Variants in GSG1L observed in about 807,000 individuals in gnomAD.
The protein encoded by GSG1L is germ cell-specific gene 1-like protein.
GSG1L carries 24 observed loss-of-function variants against 42.1 expected under a neutral mutation model. The observed-to-expected ratio is 0.57, with a 90% CI of 0.41 to 0.80. The LOEUF (loss-of-function observed/expected upper bound fraction) is 0.80. GSG1L is among the 30% of genes least tolerant of loss of function. The pLI, the probability that GSG1L is intolerant of heterozygous loss-of-function variation, is 0.00. For missense variants in GSG1L, 445 were observed against 472.2 expected, an observed-to-expected ratio of 0.94 and a Z score of 0.53; for synonymous variants, 215 against 203.5, an observed-to-expected ratio of 1.06 and a Z score of -0.48.
chr16:27,944,934 G>A (rs929883633), intron 2 of GSG1L, among the ~76,000 whole-genome samples: 5 of 151,646 alleles, frequency 3.3e-5, no homozygotes, highest in African/African-American at 7.3e-5. Context: ...AAAATTAGAC[G>A]GGCATCGTGG....
intron 1 of GSG1L, among the ~76,000 whole-genome samples, chr16:28,052,723 G>A (rs2086233834): frequency 6.6e-6 from 1 of 152,202 alleles, no homozygotes; most frequent in South Asian, 2.1e-4. Flanking sequence ...TCCCACATCT[G>A]CAGATTGCTG....
At chr16:27,986,629 G>C (rs1420506698) in intron 1 of GSG1L, among the ~76,000 whole-genome samples, 1 of 152,202 alleles carries the variant, frequency 6.6e-6, no homozygotes. Context: ...TACTGGTGCG[G>C]GGTTACCCAC....
At chr16:27,887,122 AT>A (rs1251546042) in intron 2 of GSG1L, among the ~76,000 whole-genome samples, 1 of 151,480 alleles carries the variant, frequency 6.6e-6, no homozygotes, top group Admixed American at 6.6e-5. Context: ...TGCCCAGCTT[AT>A]TTTTATATTT....
intron 2 of GSG1L, among the ~76,000 whole-genome samples, chr16:27,950,518 C>A (rs1267423719): frequency 6.6e-6 from 1 of 152,076 alleles, no homozygotes; most frequent in Non-Finnish European, 1.5e-5. Flanking sequence ...AGTGGCAGAA[C>A]CAGCACTTCA....
chr16:27,820,498 G>A (rs1218367430), intron 5 of GSG1L, among the ~76,000 whole-genome samples: 1 of 152,116 alleles, frequency 6.6e-6, no homozygotes, highest in African/African-American at 2.4e-5. Context: ...TGTGGAGACA[G>A]GCCCTTCACA....
At chr16:27,875,568 C>G (rs1175940982) in intron 3 of GSG1L, among the ~76,000 whole-genome samples, 1 of 152,190 alleles carries the variant, frequency 6.6e-6, no homozygotes, top group Non-Finnish European at 1.5e-5. Context: ...AGTTTGACAA[C>G]ACATTTGGGC....
intron 2 of GSG1L, among the ~76,000 whole-genome samples, chr16:27,892,515 G>A (rs376268883): frequency 1.6e-4 from 25 of 152,220 alleles, no homozygotes; most frequent in African/African-American, 6.0e-4. Context: ...TGTAATCCCA[G>A]CACTTTGGGA....
intron 2 of GSG1L, among the ~76,000 whole-genome samples, chr16:27,930,599 C>T (rs376043587): frequency 1.3e-5 from 2 of 152,232 alleles, no homozygotes; most frequent in South Asian, 2.1e-4. Context: ...GGATTCAATG[C>T]TCAGAAGTAA....
intron 5 of GSG1L, among the ~76,000 whole-genome samples, chr16:27,818,456 C>T (rs2083119371): frequency 6.6e-6 from 1 of 152,096 alleles, no homozygotes; most frequent in Non-Finnish European, 1.5e-5. Flanking sequence ...TTCTGGGCAT[C>T]GCGTTCCTCT....
At chr16:27,918,521 T>C (rs1364149882) in intron 2 of GSG1L, among the ~76,000 whole-genome samples, 2 of 151,920 alleles carry the variant, frequency 1.3e-5, no homozygotes, top group Admixed American at 1.3e-4. Context: ...TAGTCAGGCA[T>C]GGTGGCGGGC....
chr16:27,907,545 T>C (rs1027430099), intron 2 of GSG1L, among the ~76,000 whole-genome samples: 1 of 152,246 alleles, frequency 6.6e-6, no homozygotes, highest in African/African-American at 2.4e-5. Flanking sequence ...TCTCTGCTCC[T>C]CATCTGCCCT....
chr16:27,793,273 AATATTT>A, intron 6 of GSG1L, among the ~76,000 whole-genome samples: 1 of 152,246 alleles, frequency 6.6e-6, no homozygotes, highest in Middle Eastern at 3.4e-3. Context: ...GGTGGGGGGT[AATATTT>A]TTGGCTTTCA....
At chr16:27,808,831 G>A (rs12928980) in intron 5 of GSG1L, among the ~76,000 whole-genome samples, 22,571 of 152,140 alleles carry the variant, frequency 0.15, 1,922 homozygotes, top group Middle Eastern at 0.21. Context: ...GTCCCAGAGC[G>A]AGCAGCCTCT....
At chr16:28,037,928 G>A (rs1007380662) in intron 1 of GSG1L, among the ~76,000 whole-genome samples, 1 of 152,018 alleles carries the variant, frequency 6.6e-6, no homozygotes, top group Admixed American at 6.6e-5. Flanking sequence ...GTATCTACAC[G>A]TTGGATCCAA....
rs9941065 is a variant in GSG1L at position 27,884,061 on chromosome 16, G to T, written c.550+425C>A. Among the ~76,000 whole-genome samples, 36,366 of 152,092 alleles carry T rather than the reference G, an allele frequency of 0.24. 4,464 individuals carry two copies. Among genetic ancestry groups the T allele is most frequent in the South Asian group, 0.27 (1,284 of 4,806 alleles). ...ATGAGCTCAGGAAGAGGAGCGACGT[G>T]CCCTCCACCCCAAAGTGGCTTCTCT... On this transcript the variant is annotated intron_variant, in intron 3 of 6. Coordinates refer to ENST00000447459, the MANE Select transcript of GSG1L (RefSeq NM_001109763.2). This position sits in a 1 kb window ranked among gnomAD's most constrained non-coding sequence, Gnocchi z 4.4.
At chr16:28,035,176 CTGTTTTTGTTTT>C (rs532194259) in intron 1 of GSG1L, among the ~76,000 whole-genome samples, 7 of 152,052 alleles carry the variant, frequency 4.6e-5, no homozygotes, top group South Asian at 4.2e-4. Flanking sequence ...CCAGCTAATG[CTGTTTTTGTTTT>C]TGTTTTTGTT....
At chr16:27,963,828 T>C (rs1405134287) in intron 1 of GSG1L, among the ~76,000 whole-genome samples, 1 of 152,098 alleles carries the variant, frequency 6.6e-6, no homozygotes, top group Non-Finnish European at 1.5e-5. Flanking sequence ...GCACCTTGGA[T>C]TTCTATGGGG....
chr16:27,854,090 T>C (rs182965595), intron 3 of GSG1L, among the ~76,000 whole-genome samples: 6 of 151,510 alleles, frequency 4.0e-5, no homozygotes, highest in Admixed American at 3.3e-4. Flanking sequence ...TTGAGAAGAA[T>C]ACGCTATCAA....
At chr16:27,814,898 A>G (rs2083077067) in intron 5 of GSG1L, among the ~76,000 whole-genome samples, 1 of 151,870 alleles carries the variant, frequency 6.6e-6, no homozygotes, top group Non-Finnish European at 1.5e-5. Context: ...TGCAGGAAAC[A>G]TTATGCATTT....
Sources: gnomAD v4.1 joint callset for allele counts (sites outside exome capture counted in the v4.1 genomes callset) on GRCh38, gnomAD v4.1.1 for gene constraint, Gnocchi (gnomAD v3.1) non-coding constraint, MANE v1.5 for transcripts, NCBI Gene and HGNC (gene_info 2026-07-23, HGNC 2026-07-21) for gene names.